Variants in GALM observed in about 807,000 individuals in gnomAD.
GALM encodes galactose mutarotase.
Under a neutral mutation model 37.4 loss-of-function variants are expected in GALM, and 43 were observed. The ratio of observed to expected loss-of-function variants is 1.15; its 90% CI spans 0.90 to 1.48. The LOEUF (loss-of-function observed/expected upper bound fraction) is 1.48. Ranked by LOEUF, GALM falls within the 40% of genes most tolerant of loss-of-function variation. The pLI, the probability that GALM is intolerant of heterozygous loss-of-function variation, is 0.00. For missense variants in GALM, 456 were observed against 419.1 expected, an observed-to-expected ratio of 1.09 and a Z score of -0.77; for synonymous variants, 199 against 170.6, an observed-to-expected ratio of 1.17 and a Z score of -1.30.
In GALM at chr2:38,733,588, G is replaced by C. The variant is rs1224966713; in HGVS notation, c.*23G>C. ...TAAGGAAGTGTGAAGATATGATCCA[G>C]TCCAGGGCTAGGCTCAGCCACCTGT... On this transcript the variant is annotated 3_prime_UTR_variant, in exon 7 of 7. Transcript: ENST00000272252. The C allele has an allele frequency of 6.3e-7, 1 of 1,579,480 alleles. No homozygotes were observed. Among genetic ancestry groups the C allele is most frequent in the African/African-American group, 1.3e-5 (1 of 74,176 alleles).
chr2:38,671,255 C>G (rs889439435), intron 1 of GALM: 8 of 152,114 alleles, frequency 5.3e-5, no homozygotes, highest in African/African-American at 1.9e-4. Context: ...TTTTGTAATT[C>G]CGATTTGATG....
In GALM at chr2:38,686,410, C is replaced by T. The variant is rs370571777; in HGVS notation, c.553-3403C>T. On this transcript the variant is annotated intron_variant, in intron 3 of 6. Coordinates refer to ENST00000272252, the MANE Select transcript of GALM (RefSeq NM_138801.3). ...CCTCCCGAGTAGCTGGGACTACAGG[C>T]GCCCACCACCATGCCCAGCTACTTT... 2.2e-3 allele frequency among the ~76,000 whole-genome samples: 335 copies of T among 151,830 alleles called. 9 individuals carry two copies. The South Asian group carries it at 0.049, about 22-fold the overall frequency.
At chr2:38,667,541 G>C (rs1664978665) in intron 1 of GALM, among the ~76,000 whole-genome samples, 1 of 152,194 alleles carries the variant, frequency 6.6e-6, no homozygotes, top group Admixed American at 6.5e-5. Context: ...CTGCACTCCA[G>C]CGTGGGTGGC....
chr2:38,675,539 TTTTTTGTGTGTGTG>T (rs1374298839), intron 1 of GALM, among the ~76,000 whole-genome samples: 24 of 83,456 alleles, frequency 2.9e-4, no homozygotes, highest in African/African-American at 9.6e-4. Context: ...TTTTTTTTTT[TTTTTTGTGTGTGTG>T]TGTGTGTGTG....
chr2:38,690,622 A>G (rs1262413398), intron 4 of GALM, among the ~76,000 whole-genome samples: 1 of 151,956 alleles, frequency 6.6e-6, no homozygotes, highest in Non-Finnish European at 1.5e-5. Flanking sequence ...TAGTAGAGAC[A>G]GTGTTTTACC....
chr2:38,701,880 A>G (rs1469578546), intron 4 of GALM, among the ~76,000 whole-genome samples: 1 of 152,162 alleles, frequency 6.6e-6, no homozygotes, highest in Non-Finnish European at 1.5e-5. Context: ...TAAATTTATT[A>G]TATAATTCTA....
intron 5 of GALM, 94 bp downstream of exon 5, chr2:38,729,791 T>TAGTAAATGCTATTGA: frequency 9.6e-7 from 1 of 1,042,460 alleles, no homozygotes. Context: ...ATCAATAGCA[T>TAGTAAATGCTATTGA]TTACTATGCT....
chr2:38,698,809 A>G (rs954692975), intron 4 of GALM, among the ~76,000 whole-genome samples: 88 of 152,152 alleles, frequency 5.8e-4, no homozygotes, highest in African/African-American at 2.1e-3. Context: ...GGGTCTCACT[A>G]TGTTGCCCAG....
chr2:38,686,544 A>G (rs1407492085), intron 3 of GALM, among the ~76,000 whole-genome samples: 1 of 151,762 alleles, frequency 6.6e-6, no homozygotes, highest in Non-Finnish European at 1.5e-5. Context: ...GATTACAAGC[A>G]TGAGCCACCG....
chr2:38,677,092 G>A (rs958775136), intron 2 of GALM, among the ~76,000 whole-genome samples: 2 of 152,206 alleles, frequency 1.3e-5, no homozygotes, highest in Admixed American at 6.5e-5. Context: ...CAAATTGATC[G>A]AACAGCTTCT....
At chr2:38,668,547 G>C (rs1400856411) in intron 1 of GALM, 1 of 152,156 alleles carries the variant, frequency 6.6e-6, no homozygotes, top group Non-Finnish European at 1.5e-5. Flanking sequence ...GGGTGCAGAG[G>C]ATGGGAAGGA....
At chr2:38,683,107 G>A (rs190627309) in intron 3 of GALM, among the ~76,000 whole-genome samples, 51 of 152,116 alleles carry the variant, frequency 3.4e-4, no homozygotes, top group Admixed American at 6.5e-4. Context: ...TAATAGGGAG[G>A]GGAGATCTAA....
chr2:38,679,193 G>C (rs1665333808), intron 2 of GALM, among the ~76,000 whole-genome samples: 1 of 152,050 alleles, frequency 6.6e-6, no homozygotes, highest in African/African-American at 2.4e-5. Flanking sequence ...CACCATGTTG[G>C]CCAGGCTTGT....
chr2:38,686,425 C>G (rs1023009490), intron 3 of GALM, among the ~76,000 whole-genome samples: 1 of 151,656 alleles, frequency 6.6e-6, no homozygotes, highest in Non-Finnish European at 1.5e-5. Context: ...ACCACCATGC[C>G]CAGCTACTTT....
intron 4 of GALM, among the ~76,000 whole-genome samples, chr2:38,717,333 G>GTGTA (rs1174346509): frequency 6.6e-6 from 1 of 151,618 alleles, no homozygotes; most frequent in African/African-American, 2.4e-5. Context: ...GTGTGTGTGT[G>GTGTA]TGTGTGTGTG....
At chr2:38,678,661 G>C (rs959383582) in intron 2 of GALM, among the ~76,000 whole-genome samples, 1 of 152,144 alleles carries the variant, frequency 6.6e-6, no homozygotes, top group African/African-American at 2.4e-5. Context: ...GGTGTAAAAT[G>C]AATTTTTCAC....
intron 3 of GALM, among the ~76,000 whole-genome samples, chr2:38,689,577 T>A (rs1665622723): frequency 6.6e-6 from 1 of 152,224 alleles, no homozygotes; most frequent in East Asian, 1.9e-4. Context: ...CACCTTCATA[T>A]TCTATTTAGA....
intron 4 of GALM, among the ~76,000 whole-genome samples, chr2:38,694,269 A>G (rs1277591209): frequency 6.6e-6 from 1 of 152,212 alleles, no homozygotes; most frequent in Admixed American, 6.5e-5. Flanking sequence ...TTTCTTTACT[A>G]TATAAATACC....
At chr2:38,696,120 A>AT (rs1027120817) in intron 4 of GALM, among the ~76,000 whole-genome samples, 132 of 144,832 alleles carry the variant, frequency 9.1e-4, no homozygotes, top group South Asian at 4.6e-3. Flanking sequence ...AAGTGTAGAG[A>AT]TTTTTTTTTT....
Sources: gnomAD v4.1 joint callset for allele counts (sites outside exome capture counted in the v4.1 genomes callset) on GRCh38, gnomAD v4.1.1 for gene constraint, MANE v1.5 for transcripts, NCBI Gene and HGNC (gene_info 2026-07-23, HGNC 2026-07-21) for gene names.